The following AOPEP variants were observed in gnomAD, a reference collection of about 807,000 sequenced individuals.
AOPEP encodes aminopeptidase O (putative), also known as aminopeptidase O.
In AOPEP, 77 loss-of-function variants were observed where a neutral mutation model predicts 98.1. The ratio of observed to expected loss-of-function variants is 0.78; its 90% CI spans 0.65 to 0.95. The LOEUF is 0.95. Among genes scored for constraint, AOPEP ranks in the 40% least tolerant of loss-of-function variants. The pLI is 0.00. For synonymous variants in AOPEP, 346 were observed against 365.3 expected (o/e 0.95, Z 0.60); for missense variants, 1,024 against 1,024.7 (o/e 1.00, Z 0.01).
chr9:95,145,411 T>G, the AOPEP span: 5 of 152,218 alleles, frequency 3.3e-5, no homozygotes, highest in African/African-American at 7.2e-5. Flanking sequence ...GTATGTGTTC[T>G]TGAACAGGCG....
chr9:94,786,009 G>A (rs7041865), intron 3 of AOPEP, among the ~76,000 whole-genome samples: 2,276 of 152,222 alleles, frequency 0.015, 56 homozygotes, highest in African/African-American at 0.052. Context: ...TCATCAGGTC[G>A]CGGTTTTCAG....
intron 3 of AOPEP, among the ~76,000 whole-genome samples, chr9:94,774,073 ATATTATT>A (rs1841507846): frequency 1.3e-5 from 2 of 152,088 alleles, no homozygotes; most frequent in African/African-American, 4.8e-5. Context: ...TTTTATAGTT[ATATTATT>A]TCTTTATTTA....
chr9:94,934,892 A>T (rs2056013674), intron 7 of AOPEP: 1 of 152,296 alleles, frequency 6.6e-6, no homozygotes, highest in Non-Finnish European at 1.5e-5. Context: ...GTGTCCTCCC[A>T]GAGTGGTCTC....
At chr9:94,874,014 AG>A (rs1363479532) in intron 5 of AOPEP, among the ~76,000 whole-genome samples, 2 of 152,354 alleles carry the variant, frequency 1.3e-5, no homozygotes, top group East Asian at 3.9e-4. Context: ...GAAGAATGAT[AG>A]GAAACATGTA....
rs1359938883 is a variant in AOPEP at position 94,967,637 on chromosome 9, T to C, written c.1873-121T>C. 1.1e-5 allele frequency: 8 copies of C among 735,894 alleles called. No individual in the cohort carries two copies. In the Admixed American group the frequency reaches 1.8e-4, roughly 16 times the overall value. 45.6% of individuals were successfully genotyped at this position (735,894 alleles called of 1,614,324 possible). ...GAGTCTATAGTCTTTTAAGTCAGCA[T>C]AGGTCTAGCTTCTCAAGCAGGTGAG... On this transcript the variant is annotated intron_variant, in intron 9 of 16. Coordinates refer to ENST00000375315, the MANE Select transcript of AOPEP (RefSeq NM_001193329.3).
At chr9:95,079,983 G>A (rs913597844) in intron 14 of AOPEP, among the ~76,000 whole-genome samples, 3 of 152,194 alleles carry the variant, frequency 2.0e-5, no homozygotes, top group African/African-American at 7.2e-5. Context: ...TTACAAATCA[G>A]CAGCACTGAG....
intron 5 of AOPEP, among the ~76,000 whole-genome samples, chr9:94,903,258 C>T (rs138168412): frequency 0.051 from 7,697 of 151,808 alleles, 288 homozygotes; most frequent in South Asian, 0.13. Flanking sequence ...GCTGGGATTA[C>T]AGGCATGAGG....
chr9:94,924,679 G>A (rs566373629), intron 6 of AOPEP, among the ~76,000 whole-genome samples: 7 of 152,218 alleles, frequency 4.6e-5, no homozygotes, highest in African/African-American at 9.6e-5. Context: ...AAGCAGGGGC[G>A]GTATAGATTA....
intron 16 of AOPEP, among the ~76,000 whole-genome samples, chr9:95,083,773 T>C (rs1444604870): frequency 1.3e-5 from 2 of 152,224 alleles, no homozygotes; most frequent in African/African-American, 4.8e-5. Flanking sequence ...ACACGTGGCA[T>C]ATGGCCTCCA....
At chr9:95,101,753 T>C in the AOPEP span, 1 of 1,614,156 alleles carries the variant, frequency 6.2e-7, no homozygotes, top group Non-Finnish European at 8.5e-7. Flanking sequence ...GGCCAGTTTT[T>C]CTGATCTAGG....
At chr9:95,137,982 C>T in the AOPEP span, among the ~76,000 whole-genome samples, 45 of 152,356 alleles carry the variant, frequency 3.0e-4, 1 homozygote, top group East Asian at 4.1e-3. Context: ...TCCCAGGCGG[C>T]GGCCCAGAGG....
intron 5 of AOPEP, among the ~76,000 whole-genome samples, chr9:94,846,956 A>G (rs1301181560): frequency 6.8e-6 from 1 of 148,108 alleles, no homozygotes; most frequent in African/African-American, 2.5e-5. Context: ...TGGAGCGGAT[A>G]GTGGATGATT....
chr9:95,092,993 G>C, the AOPEP span, among the ~76,000 whole-genome samples: 3 of 152,208 alleles, frequency 2.0e-5, no homozygotes, highest in Non-Finnish European at 4.4e-5. Flanking sequence ...GGAAGAACAT[G>C]AATTACGGCA....
At chr9:94,781,571 AT>A (rs1843252023) in intron 3 of AOPEP, among the ~76,000 whole-genome samples, 1 of 142,826 alleles carries the variant, frequency 7.0e-6, no homozygotes. Flanking sequence ...TAATTAATTA[AT>A]TTTTTTGAGA....
At chr9:94,927,829 C>G (rs2054592428) in intron 6 of AOPEP, among the ~76,000 whole-genome samples, 1 of 152,222 alleles carries the variant, frequency 6.6e-6, no homozygotes, top group African/African-American at 2.4e-5. Flanking sequence ...GCTCTGCTGC[C>G]TTCCCTCACA....
rs1848071680 is a variant in AOPEP, at chr9:94,800,882, C to T, written c.1244C>T (p.Thr415Ile). The change falls in exon 5 of 17, where the codon ACC becomes ATC. Residue 415 changes from threonine (T) to isoleucine (I), a missense_variant. Thr to Ile is a moderately conservative substitution (Grantham distance 89, BLOSUM62 -1). Transcript: ENST00000375315. The stretch of plus-strand genomic sequence containing the variant: ...TGCCTCACGGGTGCCTGCCAAGAGA[C>T]CCTTCTGCGGCTGATCCCTCCTTGC... ...PVCLTGACQE[T>I]LLRLIPPCLS... 1 of 1,614,144 alleles carries T rather than the reference C, an allele frequency of 6.2e-7. No individual in the cohort carries two copies. Among genetic ancestry groups the T allele is most frequent in the Non-Finnish European group, 8.5e-7 (1 of 1,180,026 alleles).
At chr9:94,943,735 A>G (rs777589606) in intron 7 of AOPEP, among the ~76,000 whole-genome samples, 1 of 151,776 alleles carries the variant, frequency 6.6e-6, no homozygotes, top group African/African-American at 2.4e-5. Flanking sequence ...CCTGGCCAAC[A>G]TGGTGAAACC....
At chr9:94,767,394 G>A (rs1420391589) in intron 2 of AOPEP, among the ~76,000 whole-genome samples, 3 of 152,134 alleles carry the variant, frequency 2.0e-5, no homozygotes, top group Non-Finnish European at 2.9e-5. Context: ...ATAACCAACC[G>A]AATGAGAAAT....
chr9:94,949,745 TCA>T (rs1448989456), intron 7 of AOPEP, among the ~76,000 whole-genome samples: 1 of 152,246 alleles, frequency 6.6e-6, no homozygotes, highest in Non-Finnish European at 1.5e-5. Flanking sequence ...TGTTCATTAT[TCA>T]CAGTTTATAG....
Sources: gnomAD v4.1 joint callset for allele counts (sites outside exome capture counted in the v4.1 genomes callset) on GRCh38, gnomAD v4.1.1 for gene constraint, MANE v1.5 for transcripts, NCBI Gene and HGNC (gene_info 2026-07-23, HGNC 2026-07-21) for gene names.